SRGAP2: variants seen among roughly 807,000 people sequenced by gnomAD.
The protein encoded by SRGAP2 is SLIT-ROBO Rho GTPase activating protein 2.
Under a neutral mutation model 57.2 loss-of-function variants are expected in SRGAP2, and 15 were observed. The observed-to-expected ratio is 0.26, with a 90% CI of 0.18 to 0.40. The LOEUF (loss-of-function observed/expected upper bound fraction) is 0.40. SRGAP2 is among the 10% of genes least tolerant of loss of function. The pLI, the probability that SRGAP2 is intolerant of heterozygous loss-of-function variation, is 1.00. For missense variants in SRGAP2, 520 were observed against 669.6 expected (o/e 0.78, Z 2.47); for synonymous variants, 249 against 248.0 (o/e 1.00, Z -0.04).
intron 3 of SRGAP2, among the ~76,000 whole-genome samples, chr1:206,305,305 ATTTC>A (rs1672120812): frequency 6.6e-6 from 1 of 151,260 alleles, no homozygotes; most frequent in East Asian, 1.9e-4. Context: ...TTCCAACCTT[ATTTC>A]TTGTTTCTGT....
chr1:206,303,655 A>G (rs1672001436), intron 3 of SRGAP2, among the ~76,000 whole-genome samples, 182 bp downstream of exon 3: 1 of 152,220 alleles, frequency 6.6e-6, no homozygotes, highest in African/African-American at 2.4e-5. Context: ...CATTTCGTAG[A>G]GATGAGAGTA....
chr1:206,262,975 G>A (rs1432713762), intron 2 of SRGAP2, among the ~76,000 whole-genome samples: 3 of 134,494 alleles, frequency 2.2e-5, no homozygotes, highest in Non-Finnish European at 3.2e-5. Flanking sequence ...TAGTAAAAGA[G>A]CATGAATACA....
intron 8 of SRGAP2, among the ~76,000 whole-genome samples, chr1:206,404,767 C>G (rs1658541861): frequency 6.6e-6 from 1 of 152,216 alleles, no homozygotes; most frequent in Non-Finnish European, 1.5e-5. Flanking sequence ...CTCATTGAAT[C>G]AAAGCTCTCA....
At position 206,463,006 on chromosome 1, in the gene SRGAP2, C is replaced by G. The variant is rs1664356734; in HGVS notation, c.*1586C>G. 6.6e-6 allele frequency: 1 copy of G among 152,132 alleles called. No homozygotes were observed. Among genetic ancestry groups the G allele is most frequent in the Admixed American group, 6.5e-5 (1 of 15,270 alleles). The allele number at this position is 152,132 out of a possible 1,614,324, so 9.4% of individuals were successfully genotyped here. On this transcript the variant is annotated 3_prime_UTR_variant, in exon 23 of 23. Transcript: ENST00000573034. ...TTTAAAAGCTGCACTTATATTTTAG[C>G]CTTATTATTTTCTGTAGTTCCGGAG...
intron 4 of SRGAP2, among the ~76,000 whole-genome samples, chr1:206,363,691 A>T (rs1343878046): frequency 1.3e-5 from 2 of 151,976 alleles, no homozygotes; most frequent in Admixed American, 6.6e-5. Context: ...ATTTTGTAGA[A>T]TGTTCCTCAA....
rs201726708 is a variant in SRGAP2, at chr1:206,391,615, GCACACA to G, written c.487-1053_487-1048del. ...GCACTCCTGTGTTACACACACACAT[GCACACA>G]CACACACACACACACACACATGCAC... On this transcript the variant is annotated intron_variant, in intron 5 of 22. Coordinates refer to ENST00000573034, the MANE Select transcript of SRGAP2 (RefSeq NM_015326.5). 1.1e-4 allele frequency among the ~76,000 whole-genome samples: 13 copies of G among 115,568 alleles called. 1 individual carries two copies. Among genetic ancestry groups the G allele is most frequent in the African/African-American group, 2.7e-4 (7 of 26,274 alleles). The allele number at this position is 115,568 out of a possible 152,430, so 75.8% of individuals were successfully genotyped here.
rs1664443289 is a variant in SRGAP2, at chr1:206,464,406, C to T, written c.*2986C>T. The T allele has an allele frequency of 6.6e-6, 1 of 152,610 alleles. No homozygotes were observed. Among genetic ancestry groups the T allele is most frequent in the African/African-American group, 2.4e-5 (1 of 41,442 alleles). 9.5% of individuals were successfully genotyped at this position (152,610 alleles called of 1,614,324 possible). A position where few individuals can be genotyped will look rare whatever the true frequency, so the allele number is the denominator to read the frequency against. On this transcript the variant is annotated 3_prime_UTR_variant, in exon 23 of 23. Coordinates refer to ENST00000573034, the MANE Select transcript of SRGAP2 (RefSeq NM_015326.5). ...GGATTGGGGAAAATCCAAAGCACAA[C>T]TTCAAAATAAAATACATTTTTAGGT... is the stretch of plus-strand genomic sequence containing the variant.
chr1:206,302,646 G>A (rs1380881912), intron 2 of SRGAP2, among the ~76,000 whole-genome samples: 1 of 152,240 alleles, frequency 6.6e-6, no homozygotes, highest in Admixed American at 6.5e-5. Context: ...CTGCCCAGAA[G>A]TTCTTGTGCT....
intron 3 of SRGAP2, among the ~76,000 whole-genome samples, chr1:206,340,614 G>T (rs1675112262): frequency 6.6e-6 from 1 of 151,400 alleles, no homozygotes. Flanking sequence ...CATGCTTACT[G>T]AGGACATGGG....
chr1:206,234,692 T>A (rs1447333163), intron 2 of SRGAP2, among the ~76,000 whole-genome samples: 1 of 151,996 alleles, frequency 6.6e-6, no homozygotes, highest in Admixed American at 6.6e-5. Flanking sequence ...AAGCCCCAAG[T>A]GTGTATATCT....
intron 2 of SRGAP2, among the ~76,000 whole-genome samples, chr1:206,285,744 T>G (rs1670987706): frequency 6.6e-6 from 1 of 151,932 alleles, no homozygotes. Context: ...CTCGGCTCAG[T>G]GCAATCTTTG....
chr1:206,395,748 A>G (rs1487837338), intron 7 of SRGAP2, among the ~76,000 whole-genome samples: 4 of 151,094 alleles, frequency 2.6e-5, no homozygotes, highest in Non-Finnish European at 5.9e-5. Flanking sequence ...AACCTTTGCA[A>G]TCCATAGATT....
In SRGAP2 at chr1:206,436,950, T is replaced by C. The variant is rs1553370237; in HGVS notation, c.1556-15T>C. The C allele has an allele frequency of 1.3e-6, 1 of 780,786 alleles. No individual in the cohort carries two copies. The highest frequency in any genetic ancestry group is 1.7e-5 in the Admixed American group (1 of 59,046). The allele number at this position is 780,786 out of a possible 1,614,324, so 48.4% of individuals were successfully genotyped here. Reference sequence around the variant, plus strand: ...GCTTTTTCTTCTTCTTGATCACTTTTCTGTGTATTTCCAGGACTACAGCAT... The same window carrying C: ...GCTTTTTCTTCTTCTTGATCACTTTCCTGTGTATTTCCAGGACTACAGCAT... On this transcript the variant is annotated splice_polypyrimidine_tract_variant and intron_variant, in intron 14 of 22. Coordinates refer to ENST00000573034, the MANE Select transcript of SRGAP2 (RefSeq NM_015326.5).
chr1:206,450,910 A>G (rs1392771302), intron 19 of SRGAP2, among the ~76,000 whole-genome samples: 1 of 151,584 alleles, frequency 6.6e-6, no homozygotes, highest in Admixed American at 6.6e-5. Context: ...TCAAGAATTC[A>G]AGACCAGCCT....
rs150795565 is a variant in SRGAP2 at position 206,422,342 on chromosome 1, G to A, written c.1494+1068G>A. 5.2e-4 allele frequency among the ~76,000 whole-genome samples: 79 copies of A among 152,236 alleles called. 1 individual carries two copies. The East Asian group carries it at 0.012, about 23-fold the overall frequency. ...TTTCCCCTTCTCTACTTTGAATCTC[G>A]TCTTAATGAGTATGCCATCAGATGC... On this transcript the variant is annotated intron_variant, in intron 13 of 22. Transcript: ENST00000573034.
At chr1:206,323,568 C>CCAGCAT (rs139398330) in intron 3 of SRGAP2, among the ~76,000 whole-genome samples, 2,186 of 150,930 alleles carry the variant, frequency 0.014, 38 homozygotes, top group African/African-American at 0.049. Context: ...AACCAAGAAT[C>CCAGCAT]CAGCATCAGC....
chr1:206,253,836 AG>A (rs1281611692), intron 2 of SRGAP2, among the ~76,000 whole-genome samples: 12 of 150,236 alleles, frequency 8.0e-5, no homozygotes, highest in Non-Finnish European at 1.6e-4. Context: ...TAAATTATGC[AG>A]TCTGTGGCAT....
intron 3 of SRGAP2, 114 bp from the exon 4 acceptor site, chr1:206,342,732 C>CTT (rs1675295177): frequency 1.8e-6 from 1 of 543,986 alleles, no homozygotes; most frequent in Admixed American, 3.3e-5. Context: ...GGAAAAATAT[C>CTT]TTTATTTCTG....
chr1:206,283,576 A>G (rs1670855524), intron 2 of SRGAP2, among the ~76,000 whole-genome samples: 1 of 150,046 alleles, frequency 6.7e-6, no homozygotes, highest in Admixed American at 6.7e-5. Flanking sequence ...CGGGAGGCTG[A>G]GGCTCACTAG....
Sources: allele counts gnomAD v4.1 joint callset (sites outside exome capture counted in the v4.1 genomes callset), GRCh38; gene constraint gnomAD v4.1.1; transcripts MANE v1.5; gene names NCBI Gene and HGNC (gene_info 2026-07-23, HGNC 2026-07-21).